NHSL1: variants seen among roughly 807,000 people sequenced by gnomAD.
NHSL1 encodes NHS like 1.
In NHSL1, 48 loss-of-function variants were observed where a neutral mutation model predicts 95.0. The ratio of observed to expected loss-of-function variants is 0.51; its 90% CI spans 0.40 to 0.64. The LOEUF (loss-of-function observed/expected upper bound fraction) is 0.64, where lower values mean the gene tolerates loss of function less well. Ranked by LOEUF, NHSL1 falls within the 30% of genes least tolerant of loss-of-function variation. The pLI is 0.00. For synonymous variants in NHSL1, 783 were observed against 833.9 expected (o/e 0.94, Z 1.05); for missense variants, 1,971 against 2,077.7 (o/e 0.95, Z 1.00).
chr6:138,488,004 G>T (rs1283017101), intron 2 of NHSL1, among the ~76,000 whole-genome samples: 1 of 152,150 alleles, frequency 6.6e-6, no homozygotes, highest in South Asian at 2.1e-4. Flanking sequence ...GTGGCTGGGC[G>T]TGGTGGCTCA....
At chr6:138,584,575 T>C (rs1305497529) in intron 1 of NHSL1, among the ~76,000 whole-genome samples, 1 of 152,170 alleles carries the variant, frequency 6.6e-6, no homozygotes, top group Admixed American at 6.5e-5. Context: ...AATGAACTTA[T>C]TCAATAAGGA....
chr6:138,689,288 A>G (rs1406624857), intron 1 of NHSL1, among the ~76,000 whole-genome samples: 2 of 152,210 alleles, frequency 1.3e-5, no homozygotes, highest in Non-Finnish European at 2.9e-5. Flanking sequence ...AAATGTGGTG[A>G]TCGAGGTGAA....
At chr6:138,455,457 G>GCTCCAAGGAGCCCCGCCTTCACATGCTCC (rs1562287523) in intron 3 of NHSL1, among the ~76,000 whole-genome samples, 3 of 112,722 alleles carry the variant, frequency 2.7e-5, no homozygotes, top group African/African-American at 3.9e-5. Flanking sequence ...AAAGAAATGA[G>GCTCCAAGGAGCCCCGCCTTCACATGCTCC]CTGCAAGGAG....
intron 1 of NHSL1, among the ~76,000 whole-genome samples, chr6:138,671,048 A>C (rs951011599): frequency 1.3e-5 from 2 of 151,964 alleles, no homozygotes; most frequent in African/African-American, 4.8e-5. Flanking sequence ...AGATACTCCC[A>C]GGAGGCTGAG....
At chr6:138,494,559 A>G (rs141455685) in intron 2 of NHSL1, among the ~76,000 whole-genome samples, 27 of 152,308 alleles carry the variant, frequency 1.8e-4, no homozygotes, top group African/African-American at 6.3e-4. Context: ...AATAAATGTT[A>G]TCAGTCATCA....
At position 138,430,914 on chromosome 6, in the gene NHSL1, C is replaced by G. The variant is rs118003870; in HGVS notation, c.3431G>C (p.Ser1144Thr). 1,046 of 1,551,564 alleles carry G rather than the reference C, an allele frequency of 6.7e-4. 8 individuals carry two copies. In the Admixed American group the frequency reaches 0.011, roughly 16 times the overall value. The change falls in exon 6 of 8, where the codon AGC becomes ACC. Residue 1144 changes from serine (S) to threonine (T), a missense_variant. Ser to Thr is a moderately conservative substitution (Grantham distance 58, BLOSUM62 1). Coordinates refer to ENST00000343505, the MANE Select transcript of NHSL1 (RefSeq NM_001144060.2). This position sits in a 1 kb window ranked among gnomAD's most constrained non-coding sequence, Gnocchi z 4.7. ...ACTGCCATGGTCACCCTGACTCGAG[C>G]TCTTGGCAGGCGTCGGAAGCGAGCT... The part of the protein sequence containing the change: ...VTSSLPTPAK[S>T]SSQGDHGSAA...
chr6:138,609,655 C>T (rs1051194704), intron 1 of NHSL1, among the ~76,000 whole-genome samples: 74 of 146,498 alleles, frequency 5.1e-4, no homozygotes, highest in African/African-American at 1.8e-3. Flanking sequence ...GAGGCTAAGG[C>T]AGGAGAATGG....
intron 3 of NHSL1, among the ~76,000 whole-genome samples, chr6:138,451,347 C>T (rs985474199): frequency 6.6e-6 from 1 of 152,126 alleles, no homozygotes; most frequent in Non-Finnish European, 1.5e-5. Context: ...CCTTAAGAGT[C>T]CTCTTTTGTT....
At chr6:138,654,396 AC>A (rs1473499527) in intron 1 of NHSL1, among the ~76,000 whole-genome samples, 8 of 152,202 alleles carry the variant, frequency 5.3e-5, no homozygotes, top group Non-Finnish European at 8.8e-5. Context: ...TAAATTTTGA[AC>A]ATGCATATCC....
intron 1 of NHSL1, among the ~76,000 whole-genome samples, chr6:138,562,418 G>A (rs190344092): frequency 4.6e-5 from 7 of 152,218 alleles, no homozygotes; most frequent in Admixed American, 3.3e-4. Flanking sequence ...AGGCTGAGGC[G>A]GGTGGATCAC....
rs201034152 is a variant in NHSL1, at chr6:138,443,074, T to TAC, written c.533-962_533-961dup. ...ATATACACACACACATATATATATA[T>TAC]ACACACACACACATTAAAAACTTCT... On this transcript the variant is annotated intron_variant, in intron 4 of 7. Transcript: ENST00000343505. 2.1e-3 allele frequency among the ~76,000 whole-genome samples: 323 copies of TAC among 151,096 alleles called. 2 individuals are homozygous for TAC. Among genetic ancestry groups the TAC allele is most frequent in the African/African-American group, 6.2e-3 (255 of 40,876 alleles).
At chr6:138,512,323 C>A (rs1219839554) in intron 1 of NHSL1, 4 of 455,702 alleles carry the variant, frequency 8.8e-6, no homozygotes, top group Admixed American at 4.7e-5. Flanking sequence ...AGACTCCAGA[C>A]AATATATTAC....
At chr6:138,425,780 C>T (rs376579715) in intron 7 of NHSL1, among the ~76,000 whole-genome samples, 37 of 152,222 alleles carry the variant, frequency 2.4e-4, no homozygotes, top group African/African-American at 8.2e-4. Context: ...TAGAAGTTGC[C>T]GTCAGACCAG....
Position 138,476,957 on chromosome 6 carries a change from T to TAAAAAAAAAAAAAAAAAAAAA in NHSL1, c.212-3545_212-3525dup, listed in dbSNP as rs58311101. ...AACCTGCACATATACTCCCTGAATCTAAAAAAAAAAAAAAAAAAAAAAAAA... is the reference window on the plus strand; with the variant it reads ...AACCTGCACATATACTCCCTGAATCTAAAAAAAAAAAAAAAAAAAAAAAAAAAAAAAAAAAAAAAAAAAAAA... On this transcript the variant is annotated intron_variant, in intron 2 of 7. Transcript: ENST00000343505. Among the ~76,000 whole-genome samples, 4 of 100,514 alleles carry TAAAAAAAAAAAAAAAAAAAAA rather than the reference T, an allele frequency of 4.0e-5. 1 individual carries two copies. The highest frequency in any genetic ancestry group is 7.5e-5 in the African/African-American group (2 of 26,602). The allele number at this position is 100,514 out of a possible 152,430, so 65.9% of individuals were successfully genotyped here. A position where few individuals can be genotyped will look rare whatever the true frequency, so the allele number is the denominator to read the frequency against.
chr6:138,517,238 CT>C (rs1024736480), intron 1 of NHSL1, among the ~76,000 whole-genome samples: 1 of 152,190 alleles, frequency 6.6e-6, no homozygotes, highest in African/African-American at 2.4e-5. Flanking sequence ...TCTCACCAGA[CT>C]CTCTGATTTC....
At chr6:138,560,463 C>T (rs1487802047) in intron 1 of NHSL1, among the ~76,000 whole-genome samples, 1 of 152,108 alleles carries the variant, frequency 6.6e-6, no homozygotes, top group Admixed American at 6.5e-5. Context: ...AAGAGTTGGA[C>T]TTGGGAAGCT....
upstream of NHSL1, among the ~76,000 whole-genome samples, chr6:138,573,896 T>G (rs1341742672): frequency 3.9e-5 from 6 of 152,234 alleles, no homozygotes; most frequent in African/African-American, 1.4e-4. Context: ...TGGGCCTGTT[T>G]CAGTTATTAA....
At chr6:138,606,702 C>CTTTTT (rs777156294) in intron 1 of NHSL1, among the ~76,000 whole-genome samples, 22 of 123,400 alleles carry the variant, frequency 1.8e-4, no homozygotes, top group African/African-American at 3.7e-4. Flanking sequence ...TTCTTTCTTT[C>CTTTTT]TTTTTTTTTT....
At chr6:138,561,154 T>G (rs1396601226) in intron 1 of NHSL1, among the ~76,000 whole-genome samples, 1 of 152,216 alleles carries the variant, frequency 6.6e-6, no homozygotes, top group East Asian at 1.9e-4. Flanking sequence ...GCACAAAAAC[T>G]TATTAAGCTA....
Sources: allele counts gnomAD v4.1 joint callset (sites outside exome capture counted in the v4.1 genomes callset), GRCh38; gene constraint gnomAD v4.1.1; non-coding constraint Gnocchi (gnomAD v3.1); transcripts MANE v1.5; gene names NCBI Gene and HGNC (gene_info 2026-07-23, HGNC 2026-07-21).